MOB1A: variants seen among roughly 807,000 people sequenced by gnomAD.
MOB1A encodes the protein MOB1 Mps One Binder homolog A.
MOB1A carries 10 observed loss-of-function variants against 25.1 expected under a neutral mutation model. The observed-to-expected ratio is 0.40, with a 90% CI of 0.25 to 0.68. The LOEUF (loss-of-function observed/expected upper bound fraction) is 0.68. Among genes scored for constraint, MOB1A ranks in the 30% least tolerant of loss-of-function variants. The pLI is 0.40. For synonymous variants in MOB1A, 81 were observed against 79.5 expected (o/e 1.02, Z -0.10); for missense variants, 177 against 256.3 (o/e 0.69, Z 2.11).
intron 5 of MOB1A, among the ~76,000 whole-genome samples, chr2:74,157,528 ATG>A (rs1327896852): frequency 6.6e-6 from 1 of 152,172 alleles, no homozygotes; most frequent in Non-Finnish European, 1.5e-5. Context: ...ATAGGTGACA[ATG>A]TATTACTTTT....
At chr2:74,174,097 C>G (rs113666243) in intron 1 of MOB1A, among the ~76,000 whole-genome samples, 104 of 140,788 alleles carry the variant, frequency 7.4e-4, no homozygotes, top group African/African-American at 2.7e-3. Context: ...GAAACCCCGT[C>G]TCCACTAAAA....
At chr2:74,162,402 A>G (rs749615731) in intron 4 of MOB1A, among the ~76,000 whole-genome samples, 1 of 152,098 alleles carries the variant, frequency 6.6e-6, no homozygotes, top group African/African-American at 2.4e-5. Flanking sequence ...AATCGCTTCA[A>G]CCCAGGAAGT....
chr2:74,171,169 C>T (rs2103733394), intron 2 of MOB1A, among the ~76,000 whole-genome samples: 1 of 151,886 alleles, frequency 6.6e-6, no homozygotes, highest in Admixed American at 6.6e-5. Flanking sequence ...AATCCCTCAG[C>T]TACTGGGGAG....
At position 74,156,097 on chromosome 2, in the gene MOB1A, A is replaced by G. The variant is rs1692797842; in HGVS notation, c.*471T>C. 1 of 153,256 alleles carries G rather than the reference A, an allele frequency of 6.5e-6. No homozygotes were observed. Among genetic ancestry groups the G allele is most frequent in the Non-Finnish European group, 1.5e-5 (1 of 68,480 alleles). 9.5% of individuals were successfully genotyped at this position (153,256 alleles called of 1,614,324 possible). On this transcript the variant is annotated 3_prime_UTR_variant, in exon 6 of 6. Transcript: ENST00000396049. ...AAATCTCAAGGATACTGAAAAATAC[A>G]TTTTTTATTCGTAAAATAAAAGAAT...
intron 4 of MOB1A, among the ~76,000 whole-genome samples, chr2:74,160,861 C>G (rs1211035652): frequency 6.6e-6 from 1 of 152,082 alleles, no homozygotes; most frequent in Non-Finnish European, 1.5e-5. Context: ...GAGTTCGAGA[C>G]CAGCCTGACC....
chr2:74,153,483 G>A lies in MOB1A; in HGVS notation c.*3085C>T, dbSNP rs1316558947. 1 of 152,178 alleles carries A rather than the reference G, an allele frequency of 6.6e-6. No individual in the cohort carries two copies. Among genetic ancestry groups the A allele is most frequent in the Non-Finnish European group, 1.5e-5 (1 of 68,034 alleles). 9.4% of individuals were successfully genotyped at this position (152,178 alleles called of 1,614,324 possible). A position where few individuals can be genotyped will look rare whatever the true frequency, so the allele number is the denominator to read the frequency against. On this transcript the variant is annotated 3_prime_UTR_variant, in exon 6 of 6. Transcript: ENST00000396049. Reference sequence around the variant, plus strand: ...AGATTTTGCATTTCTCATGTAAGCAGCTATATAAGCTAGGGTTCTACAAGC... The same window carrying A: ...AGATTTTGCATTTCTCATGTAAGCAACTATATAAGCTAGGGTTCTACAAGC...
rs893006057 is a variant in MOB1A at position 74,176,764 on chromosome 2, A to C, written c.14+1897T>G. ...GGGCGACAGAGCAAGACTCTGTCTC[A>C]AAAAAAAAAAAAAAGAAAATTAACA... On this transcript the variant is annotated intron_variant, in intron 1 of 5. Coordinates refer to ENST00000396049, the MANE Select transcript of MOB1A (RefSeq NM_018221.5). Among the ~76,000 whole-genome samples, 7 of 97,562 alleles carry C rather than the reference A, an allele frequency of 7.2e-5. No individual in the cohort carries two copies. In the East Asian group the frequency reaches 3.7e-3, roughly 51 times the overall value. The allele number at this position is 97,562 out of a possible 152,430, so 64.0% of individuals were successfully genotyped here. A position where few individuals can be genotyped will look rare whatever the true frequency, so the allele number is the denominator to read the frequency against.
intron 1 of MOB1A, among the ~76,000 whole-genome samples, chr2:74,175,918 CTGAG>C (rs1215384636): frequency 1.3e-5 from 2 of 151,910 alleles, no homozygotes; most frequent in Non-Finnish European, 2.9e-5. Context: ...TTTACTTTAC[CTGAG>C]TAATTTGGAA....
chr2:74,159,158 G>C lies in MOB1A; in HGVS notation c.506C>G (p.Ser169Cys). The C allele has an allele frequency of 6.2e-7, 1 of 1,613,914 alleles. No homozygotes were observed. The change falls in exon 5 of 6, where the codon TCT (serine) becomes TGT (cysteine). Residue 169 changes from serine to cysteine, a missense_variant. Physicochemically the swap from Ser to Cys is moderately radical, Grantham distance 112. Transcript: ENST00000396049. ...GGCCTCCTCTTGCAGCTGCATCACA[G>C]AATCAAAGTGCTGGTGATAAATATG... ...YAHIYHQHFD[S>C]VMQLQEEAHL...
intron 1 of MOB1A, chr2:74,173,197 G>C (rs1438377973): frequency 1.2e-5 from 6 of 517,952 alleles, no homozygotes; most frequent in South Asian, 7.0e-5. Flanking sequence ...CACAATACAA[G>C]AATGCTTTTT....
chr2:74,159,301 T>C (rs1217116342), intron 4 of MOB1A, 47 bp from the exon 5 acceptor site: 3 of 1,547,618 alleles, frequency 1.9e-6, no homozygotes, highest in Non-Finnish European at 2.7e-6. Context: ...TATCTAACAG[T>C]AGAAAGTTGT....
chr2:74,167,954 G>A (rs1572961454), intron 2 of MOB1A, among the ~76,000 whole-genome samples: 1 of 151,990 alleles, frequency 6.6e-6, no homozygotes, highest in South Asian at 2.1e-4. Context: ...CTAGGCAACA[G>A]AGTGAGATTC....
In MOB1A at chr2:74,153,809, T is replaced by G. The variant is rs1012096457; in HGVS notation, c.*2759A>C. 8 of 152,050 alleles carry G rather than the reference T, an allele frequency of 5.3e-5. No individual in the cohort carries two copies. The highest frequency in any genetic ancestry group is 1.9e-4 in the African/African-American group (8 of 41,448). The allele number at this position is 152,050 out of a possible 1,614,324, so 9.4% of individuals were successfully genotyped here. A position where few individuals can be genotyped will look rare whatever the true frequency, so the allele number is the denominator to read the frequency against. On this transcript the variant is annotated 3_prime_UTR_variant, in exon 6 of 6. Transcript: ENST00000396049. ...GATTAGCAAGGGGGAAGGGAGTGAG[T>G]GTTATGGAACAGGCAAACCTTGGGC...
intron 1 of MOB1A, among the ~76,000 whole-genome samples, chr2:74,176,763 C>CA (rs754041457): frequency 0.015 from 1,342 of 88,744 alleles, 16 homozygotes; most frequent in African/African-American, 0.038. Flanking sequence ...GACTCTGTCT[C>CA]AAAAAAAAAA....
intron 4 of MOB1A, chr2:74,164,638 G>A (rs568143329): frequency 6.6e-6 from 1 of 152,078 alleles, no homozygotes; most frequent in Non-Finnish European, 1.5e-5. Flanking sequence ...GGACAAAATA[G>A]TAAGGTTGTG....
At chr2:74,173,547 ATT>A (rs1375135493) in intron 1 of MOB1A, among the ~76,000 whole-genome samples, 1 of 141,960 alleles carries the variant, frequency 7.0e-6, no homozygotes, top group African/African-American at 2.6e-5. Context: ...CACCCAGCTA[ATT>A]TTTTTTTTTT....
At chr2:74,160,639 G>A (rs1692941435) in intron 4 of MOB1A, among the ~76,000 whole-genome samples, 1 of 152,136 alleles carries the variant, frequency 6.6e-6, no homozygotes, top group Non-Finnish European at 1.5e-5. Context: ...GGTGGAGGTT[G>A]CAGTGAGCCG....
rs1417899106 is a variant in MOB1A at position 74,153,686 on chromosome 2, C to G, written c.*2882G>C. ...TTTTGAAGGCCTGAAAATTAAAGCA[C>G]CATAGGATTAACTGCATAATTTAGC... is the stretch of plus-strand genomic sequence containing the variant. On this transcript the variant is annotated 3_prime_UTR_variant, in exon 6 of 6. Transcript: ENST00000396049. 1 of 152,140 alleles carries G rather than the reference C, an allele frequency of 6.6e-6. No individual in the cohort carries two copies. Among genetic ancestry groups the G allele is most frequent in the East Asian group, 1.9e-4 (1 of 5,198 alleles). 9.4% of individuals were successfully genotyped at this position (152,140 alleles called of 1,614,324 possible). A position where few individuals can be genotyped will look rare whatever the true frequency, so the allele number is the denominator to read the frequency against.
chr2:74,158,821 A>G (rs909178544), intron 5 of MOB1A, among the ~76,000 whole-genome samples: 6 of 148,358 alleles, frequency 4.0e-5, no homozygotes, highest in Non-Finnish European at 8.8e-5. Flanking sequence ...CTAAGGGTCC[A>G]CAAAGCAACA....
Sources: gnomAD v4.1 joint callset for allele counts (sites outside exome capture counted in the v4.1 genomes callset) on GRCh38, gnomAD v4.1.1 for gene constraint, MANE v1.5 for transcripts, NCBI Gene and HGNC (gene_info 2026-07-23, HGNC 2026-07-21) for gene names.